CAPG: variants seen among roughly 807,000 people sequenced by gnomAD.
CAPG encodes the protein capping actin protein, gelsolin like, also known as macrophage-capping protein.
A neutral mutation model predicts 44.6 loss-of-function variants in CAPG; 32 were observed. The ratio of observed to expected loss-of-function variants is 0.72; its 90% CI spans 0.54 to 0.96. The LOEUF (loss-of-function observed/expected upper bound fraction) is 0.96. CAPG is among the 50% of genes least tolerant of loss of function. CAPG has a pLI of 0.00. For missense variants in CAPG, 412 were observed against 438.3 expected (o/e 0.94, Z 0.54); for synonymous variants, 175 against 179.6 (o/e 0.97, Z 0.20).
chr2:85,406,903 T>C (rs969722848), intron 1 of CAPG, among the ~76,000 whole-genome samples: 3 of 151,908 alleles, frequency 2.0e-5, no homozygotes, highest in Admixed American at 2.0e-4. Flanking sequence ...CCAGAATCTC[T>C]TTACCCTTGA....
At chr2:85,412,328 T>C (rs1369276820), upstream of CAPG, among the ~76,000 whole-genome samples, 1 of 152,110 alleles carries the variant, frequency 6.6e-6, no homozygotes, top group East Asian at 1.9e-4. Context: ...CTGGCCAGCA[T>C]GGTTAAACCG....
At chr2:85,402,897 A>C (rs1411042075) in intron 1 of CAPG, among the ~76,000 whole-genome samples, 2 of 151,772 alleles carry the variant, frequency 1.3e-5, no homozygotes, top group Non-Finnish European at 2.9e-5. Context: ...CAGCTTCCCA[A>C]GTAGCTGGGA....
At chr2:85,404,273 CA>C (rs75426587) in intron 1 of CAPG, among the ~76,000 whole-genome samples, 4,637 of 94,378 alleles carry the variant, frequency 0.049, 201 homozygotes, top group African/African-American at 0.14. Flanking sequence ...GCTCACAACG[CA>C]AAAAAAAAAA....
intron 1 of CAPG, among the ~76,000 whole-genome samples, chr2:85,417,673 G>A (rs1687595643): frequency 6.6e-6 from 1 of 151,818 alleles, no homozygotes; most frequent in South Asian, 2.1e-4. Flanking sequence ...TAGTAGAGAT[G>A]GGGTTTCGAC....
chr2:85,394,570 GC>G (rs1271173677), downstream of CAPG, among the ~76,000 whole-genome samples: 1 of 152,236 alleles, frequency 6.6e-6, no homozygotes, highest in Non-Finnish European at 1.5e-5. Context: ...CTGGCACTGT[GC>G]CACCTCCCTA....
intron 1 of CAPG, among the ~76,000 whole-genome samples, chr2:85,403,960 A>AT (rs34287716): frequency 0.051 from 7,685 of 151,806 alleles, 236 homozygotes; most frequent in Non-Finnish European, 0.067. Flanking sequence ...AAAATAAACC[A>AT]TGATGACCAA....
Position 85,406,756 on chromosome 2 carries a change from G to A in CAPG, c.-14+3561C>T, listed in dbSNP as rs544242576. Reference sequence around the variant, plus strand: ...GCCTGTAATCCCAGCTATTCGGGAGGCTGAGGCAGGAGAATCACTTGAACC... The same window carrying A: ...GCCTGTAATCCCAGCTATTCGGGAGACTGAGGCAGGAGAATCACTTGAACC... On this transcript the variant is annotated intron_variant, in intron 1 of 9. Coordinates refer to ENST00000263867, the MANE Select transcript of CAPG (RefSeq NM_001747.4). Among the ~76,000 whole-genome samples, 97 of 151,862 alleles carry A rather than the reference G, an allele frequency of 6.4e-4. 1 individual carries two copies. Among genetic ancestry groups the A allele is most frequent in the African/African-American group, 2.2e-3 (90 of 41,452 alleles).
At chr2:85,406,245 C>T (rs539440085) in intron 1 of CAPG, among the ~76,000 whole-genome samples, 7 of 137,912 alleles carry the variant, frequency 5.1e-5, no homozygotes, top group Non-Finnish European at 1.1e-4. Context: ...GAGTGAGACT[C>T]GGTTTCAAAA....
intron 8 of CAPG, chr2:85,396,026 G>C (rs796321023): frequency 5.3e-5 from 10 of 187,022 alleles, no homozygotes; most frequent in East Asian, 5.3e-4. Flanking sequence ...TAAGACAAAG[G>C]GTACAATTTA....
intron 1 of CAPG, among the ~76,000 whole-genome samples, chr2:85,417,425 G>A (rs547327911): frequency 1.3e-5 from 2 of 151,244 alleles, no homozygotes; most frequent in East Asian, 2.0e-4. Context: ...CACTATCACC[G>A]CATGCTAGTG....
intron 1 of CAPG, among the ~76,000 whole-genome samples, chr2:85,417,477 CTTTTTTTT>C (rs1242085864): frequency 9.9e-6 from 1 of 101,054 alleles, no homozygotes; most frequent in Non-Finnish European, 1.9e-5. Context: ...TATCTCAGCT[CTTTTTTTT>C]TTTTTTTTTT....
At chr2:85,399,377 C>T in intron 5 of CAPG, 92 bp from the exon 6 acceptor site, 1 of 1,367,522 alleles carries the variant, frequency 7.3e-7, no homozygotes, top group Non-Finnish European at 1.0e-6. Context: ...CCTCTCTCCT[C>T]TCTGAACTGT....
chr2:85,416,485 T>C (rs559815342), intron 1 of CAPG, among the ~76,000 whole-genome samples: 1 of 152,218 alleles, frequency 6.6e-6, no homozygotes, highest in East Asian at 1.9e-4. Context: ...TGCTCAATTC[T>C]AACATCAAAA....
At position 85,402,149 on chromosome 2, in the gene CAPG, G is replaced by A. The variant is rs1030922205; in HGVS notation, c.-4C>T. The A allele has an allele frequency of 1.2e-6, 2 of 1,601,786 alleles. No homozygotes were observed. Among genetic ancestry groups the A allele is most frequent in the Non-Finnish European group, 1.7e-6 (2 of 1,173,158 alleles). On this transcript the variant is annotated 5_prime_UTR_variant, in exon 2 of 10. Transcript: ENST00000263867. ...TCTGGGGAATGGCTGTGTACATGCTGTCTTCAGATCTGGAAAGAAAGAAGA... is the reference window on the plus strand; with the variant it reads ...TCTGGGGAATGGCTGTGTACATGCTATCTTCAGATCTGGAAAGAAAGAAGA...
chr2:85,416,967 G>A (rs1687565358), intron 1 of CAPG, among the ~76,000 whole-genome samples: 1 of 152,178 alleles, frequency 6.6e-6, no homozygotes, highest in Non-Finnish European at 1.5e-5. Flanking sequence ...CAAAACTTTG[G>A]TTTTGCCTTT....
chr2:85,411,380 C>T (rs2104855440), upstream of CAPG, among the ~76,000 whole-genome samples: 1 of 152,340 alleles, frequency 6.6e-6, no homozygotes, highest in East Asian at 1.9e-4. Flanking sequence ...TAGAGCTTGT[C>T]TCCTCCAACT....
chr2:85,403,541 A>T (rs1271697125), intron 1 of CAPG, among the ~76,000 whole-genome samples: 1 of 152,230 alleles, frequency 6.6e-6, no homozygotes, highest in African/African-American at 2.4e-5. Context: ...TAAATATATT[A>T]TGCAAAAAGA....
Position 85,401,688 on chromosome 2 carries a change from G to C in CAPG, c.197-5C>G, listed in dbSNP as rs1296739995. The C allele has an allele frequency of 6.2e-7, 1 of 1,614,088 alleles. No individual in the cohort carries two copies. Among genetic ancestry groups the C allele is most frequent in the African/African-American group, 1.3e-5 (1 of 75,058 alleles). On this transcript the variant is annotated splice_region_variant and splice_polypyrimidine_tract_variant and intron_variant, in intron 3 of 9. Transcript: ENST00000263867. ...CATCCCGGGATGACTGCTGGCCTGG[G>C]ACAAGTGGGAGAGGGCAGGGCAAGG...
At position 85,394,938 on chromosome 2, in the gene CAPG, G is replaced by A. The variant is rs757722239; in HGVS notation, c.1002C>T (p.Gly334=). Residue 334 remains glycine, a synonymous_variant, in exon 10 of 10, where the codon GGC becomes GGT. Transcript: ENST00000263867. ...PNTQVEILPQ[G]HESPIFKQFF... is the part of the protein sequence containing the mutation. ...ATTGCTTGAAGATGGGACTCTCATG[G>A]CCCTGAGGCAGAATCTCCACCTGCA... 25 of 1,612,704 alleles carry A rather than the reference G, an allele frequency of 1.6e-5. No individual in the cohort carries two copies. The highest frequency in any genetic ancestry group is 2.0e-5 in the Non-Finnish European group (23 of 1,178,812).
Sources: gnomAD v4.1 joint callset for allele counts (sites outside exome capture counted in the v4.1 genomes callset) on GRCh38, gnomAD v4.1.1 for gene constraint, MANE v1.5 for transcripts, NCBI Gene and HGNC (gene_info 2026-07-23, HGNC 2026-07-21) for gene names.